The following CTNNA3 variants were observed in gnomAD, a reference collection of about 807,000 sequenced individuals.
The protein encoded by CTNNA3 is catenin alpha 3, also known as catenin alpha-3.
CTNNA3 carries 76 observed loss-of-function variants against 95.7 expected under a neutral mutation model. The observed-to-expected ratio is 0.79, with a 90% confidence interval of 0.66 to 0.96. The LOEUF (loss-of-function observed/expected upper bound fraction) is 0.96. CTNNA3 is among the 40% of genes least tolerant of loss of function. CTNNA3 has a pLI of 0.00. For missense variants in CTNNA3, 1,191 were observed against 1,089.8 expected, an observed-to-expected ratio of 1.09 and a Z score of -1.31; for synonymous variants, 431 against 374.4, an observed-to-expected ratio of 1.15 and a Z score of -1.74.
chr10:66,056,442 T>C (rs892438615), intron 15 of CTNNA3, among the ~76,000 whole-genome samples: 2 of 152,154 alleles, frequency 1.3e-5, no homozygotes, highest in Admixed American at 1.3e-4. Context: ...TAGTATTTTG[T>C]TGAGTATTTT....
rs1847248151 is a variant in CTNNA3, at chr10:67,458,354, C to A, written c.579+63488G>T. On this transcript the variant is annotated intron_variant, in intron 5 of 17. Transcript: ENST00000433211. Reference sequence around the variant, plus strand: ...CATTTTATAAATGAGGGAAACAAGACCAGAACAAAGAGTAACTTGCCCAAG... The same window carrying A: ...CATTTTATAAATGAGGGAAACAAGAACAGAACAAAGAGTAACTTGCCCAAG... Among the ~76,000 whole-genome samples, 5 of 152,102 alleles carry A rather than the reference C, an allele frequency of 3.3e-5. No individual in the cohort carries two copies. The South Asian group carries it at 1.0e-3, about 32-fold the overall frequency.
intron 9 of CTNNA3, among the ~76,000 whole-genome samples, chr10:66,729,235 A>G (rs1401618465): frequency 6.6e-6 from 1 of 152,252 alleles, no homozygotes; most frequent in Admixed American, 6.5e-5. Flanking sequence ...AGAAATGCAA[A>G]TCAAAACCAC....
At chr10:66,229,550 C>T (rs2089482028) in intron 13 of CTNNA3, among the ~76,000 whole-genome samples, 2 of 151,774 alleles carry the variant, frequency 1.3e-5, no homozygotes, top group East Asian at 1.9e-4. Flanking sequence ...ATATATCATC[C>T]TATTCTCTCT....
In CTNNA3 at chr10:66,595,335, TTA is replaced by T. The variant is rs1238904971; in HGVS notation, c.1374+26355_1374+26356del. Among the ~76,000 whole-genome samples the T allele has an allele frequency of 9.1e-4, 32 of 35,108 alleles. No homozygotes were observed. In the African/African-American group the frequency reaches 9.8e-3, roughly 11 times the overall value. 23.0% of individuals were successfully genotyped at this position (35,108 alleles called of 152,430 possible). On this transcript the variant is annotated intron_variant, in intron 10 of 17. Coordinates refer to ENST00000433211, the MANE Select transcript of CTNNA3 (RefSeq NM_013266.4). ...CTTGTTGATTGATTGATCTTATTTA[TTA>T]TTATTATTATTATTATTATTATTTG... is the stretch of plus-strand genomic sequence containing the variant.
At chr10:66,815,276 G>A (rs998827042) in intron 7 of CTNNA3, among the ~76,000 whole-genome samples, 3 of 152,050 alleles carry the variant, frequency 2.0e-5, no homozygotes, top group African/African-American at 7.2e-5. Flanking sequence ...ATTTCAGTAA[G>A]AACAGCAAAT....
chr10:66,093,971 G>T (rs2081301834), intron 14 of CTNNA3, among the ~76,000 whole-genome samples: 1 of 152,018 alleles, frequency 6.6e-6, no homozygotes, highest in African/African-American at 2.4e-5. Flanking sequence ...CATGTCCCCT[G>T]CTGTAATGGA....
At chr10:67,274,819 C>T (rs1839128500) in intron 5 of CTNNA3, among the ~76,000 whole-genome samples, 1 of 152,076 alleles carries the variant, frequency 6.6e-6, no homozygotes, top group African/African-American at 2.4e-5. Flanking sequence ...CAGAGATAGA[C>T]TCTGTCTCAA....
intron 9 of CTNNA3, among the ~76,000 whole-genome samples, chr10:66,654,957 G>C (rs539556805): frequency 2.6e-5 from 4 of 152,070 alleles, no homozygotes; most frequent in Admixed American, 2.6e-4. Flanking sequence ...GTGGAGTTGG[G>C]GAAATAATGG....
At chr10:67,371,684 A>C (rs1286803820) in intron 5 of CTNNA3, among the ~76,000 whole-genome samples, 1 of 152,166 alleles carries the variant, frequency 6.6e-6, no homozygotes, top group Non-Finnish European at 1.5e-5. Flanking sequence ...TGCTGCAATA[A>C]ACATATGTGT....
At chr10:66,998,531 A>C (rs1851491236) in intron 7 of CTNNA3, among the ~76,000 whole-genome samples, 1 of 152,186 alleles carries the variant, frequency 6.6e-6, no homozygotes, top group Non-Finnish European at 1.5e-5. Flanking sequence ...TGACACAGAA[A>C]AGTTGAAAAT....
intron 9 of CTNNA3, among the ~76,000 whole-genome samples, chr10:66,735,576 C>T (rs894115524): frequency 1.8e-4 from 27 of 151,648 alleles, no homozygotes; most frequent in Admixed American, 5.9e-4. Flanking sequence ...TATATATTTA[C>T]TCTTACTATT....
At chr10:66,586,122 G>C (rs879186442) in intron 10 of CTNNA3, among the ~76,000 whole-genome samples, 10 of 152,156 alleles carry the variant, frequency 6.6e-5, no homozygotes, top group Non-Finnish European at 1.2e-4. Context: ...TAGGTTCACT[G>C]TCTCCTAAGG....
At chr10:66,271,939 G>A (rs1008146479) in intron 13 of CTNNA3, among the ~76,000 whole-genome samples, 15 of 152,148 alleles carry the variant, frequency 9.9e-5, no homozygotes, top group African/African-American at 1.9e-4. Flanking sequence ...TGCTCCCTTA[G>A]TCAAAAGTTT....
chr10:65,985,090 C>G (rs753951907), intron 16 of CTNNA3, among the ~76,000 whole-genome samples: 17 of 151,114 alleles, frequency 1.1e-4, no homozygotes, highest in South Asian at 4.2e-4. Context: ...TATAATTAGT[C>G]TTTATTTGTT....
chr10:66,880,357 A>C (rs1844799518), intron 7 of CTNNA3, among the ~76,000 whole-genome samples: 1 of 152,112 alleles, frequency 6.6e-6, no homozygotes. Context: ...ATGGTATCAG[A>C]GTGTATTCCC....
intron 5 of CTNNA3, among the ~76,000 whole-genome samples, chr10:67,340,029 C>A (rs1457815716): frequency 6.6e-6 from 1 of 152,036 alleles, no homozygotes; most frequent in African/African-American, 2.4e-5. Context: ...TATTTAAATG[C>A]CTAATAAAAT....
chr10:67,285,477 A>G lies in CTNNA3; in HGVS notation c.580-65607T>C, dbSNP rs7067615. 4.9e-3 allele frequency among the ~76,000 whole-genome samples: 749 copies of G among 152,326 alleles called. 8 individuals are homozygous for G. The highest frequency in any genetic ancestry group is 0.017 in the African/African-American group (710 of 41,570). On this transcript the variant is annotated intron_variant, in intron 5 of 17. Coordinates refer to ENST00000433211, the MANE Select transcript of CTNNA3 (RefSeq NM_013266.4). ...ACACTACCCTTCACAAAATAAAACT[A>G]TAAGTTGGGCCAATGACATTCAGTC... is the stretch of plus-strand genomic sequence containing the variant.
chr10:67,535,853 T>G (rs1447131990), intron 4 of CTNNA3, among the ~76,000 whole-genome samples: 1 of 152,120 alleles, frequency 6.6e-6, no homozygotes, highest in African/African-American at 2.4e-5. Context: ...CTTAAAAACA[T>G]CACAGAGCTA....
intron 7 of CTNNA3, among the ~76,000 whole-genome samples, chr10:67,059,291 CAT>C (rs1855620067): frequency 6.6e-6 from 1 of 151,864 alleles, no homozygotes; most frequent in Non-Finnish European, 1.5e-5. Flanking sequence ...GAATTGACAT[CAT>C]GTTAGTGATG....
Sources: gnomAD v4.1 joint callset for allele counts (sites outside exome capture counted in the v4.1 genomes callset) on GRCh38, gnomAD v4.1.1 for gene constraint, MANE v1.5 for transcripts, NCBI Gene and HGNC (gene_info 2026-07-23, HGNC 2026-07-21) for gene names.